Variants in STAC observed in about 807,000 individuals in gnomAD.
The protein encoded by STAC is SH3 and cysteine-rich domain-containing protein.
In STAC, 43 loss-of-function variants were observed where a neutral mutation model predicts 48.8. The observed-to-expected ratio is 0.88, with a 90% CI of 0.69 to 1.14. The LOEUF is 1.14. Ranked by LOEUF, STAC falls within the 50% of genes most tolerant of loss-of-function variation. The pLI is 0.00. For synonymous variants in STAC, 193 were observed against 179.5 expected (o/e 1.07, Z -0.60); for missense variants, 497 against 504.0 (o/e 0.99, Z 0.13).
intron 8 of STAC, among the ~76,000 whole-genome samples, chr3:36,513,450 T>C (rs1698591322): frequency 1.3e-5 from 2 of 152,180 alleles, no homozygotes; most frequent in South Asian, 4.1e-4. Flanking sequence ...CCCACCTTCA[T>C]ATCTTACCTG....
intron 8 of STAC, among the ~76,000 whole-genome samples, chr3:36,512,031 A>C (rs1698554588): frequency 6.6e-6 from 1 of 152,138 alleles, no homozygotes; most frequent in African/African-American, 2.4e-5. Flanking sequence ...TTTCAGAATT[A>C]GGTTGAGATC....
chr3:36,380,685 G>T lies in STAC; in HGVS notation c.42G>T (p.Gly14=). ...PSSPREDGVD[G]LPKEAVGAEQ... ...GCCCCCGCGAGGACGGCGTGGACGG[G>T]CTGCCCAAGGAGGCGGTGGGCGCCG... The change falls in exon 1 of 11, where the codon GGG becomes GGT. Residue 14 remains glycine (G), a synonymous_variant. Transcript: ENST00000273183. 2 of 1,609,496 alleles carry T rather than the reference G, an allele frequency of 1.2e-6. No homozygotes were observed. Among genetic ancestry groups the T allele is most frequent in the Non-Finnish European group, 1.7e-6 (2 of 1,178,372 alleles).
intron 7 of STAC, among the ~76,000 whole-genome samples, chr3:36,504,885 T>C (rs962331169): frequency 2.6e-5 from 4 of 152,038 alleles, no homozygotes; most frequent in African/African-American, 9.7e-5. Flanking sequence ...ATGTTTTCTA[T>C]AAATTTATAG....
chr3:36,387,274 C>G (rs551687966), intron 1 of STAC, among the ~76,000 whole-genome samples: 1 of 152,088 alleles, frequency 6.6e-6, no homozygotes, highest in Non-Finnish European at 1.5e-5. Context: ...AGATTCTACT[C>G]CACGTAGACA....
At chr3:36,413,765 A>C (rs1700250915) in intron 1 of STAC, among the ~76,000 whole-genome samples, 1 of 152,206 alleles carries the variant, frequency 6.6e-6, no homozygotes, top group Non-Finnish European at 1.5e-5. Flanking sequence ...GTTTCTTCCT[A>C]GCATCAATAG....
intron 1 of STAC, among the ~76,000 whole-genome samples, chr3:36,440,535 G>C (rs1696315748): frequency 6.6e-6 from 1 of 152,200 alleles, no homozygotes; most frequent in Non-Finnish European, 1.5e-5. Flanking sequence ...TTTCTAGAGG[G>C]AGGACAGAAG....
chr3:36,458,808 A>G (rs1468635309), intron 2 of STAC, among the ~76,000 whole-genome samples: 1 of 152,212 alleles, frequency 6.6e-6, no homozygotes, highest in South Asian at 2.1e-4. Context: ...ACACGTATGT[A>G]TTTGCATTTC....
At chr3:36,485,221 G>C (rs961867293) in intron 4 of STAC, among the ~76,000 whole-genome samples, 163 bp downstream of exon 4, 5 of 152,138 alleles carry the variant, frequency 3.3e-5, no homozygotes, top group Non-Finnish European at 7.4e-5. Context: ...GAAACATAAA[G>C]TGGACCAAAT....
At chr3:36,458,806 G>A (rs1320064374) in intron 2 of STAC, among the ~76,000 whole-genome samples, 1 of 152,200 alleles carries the variant, frequency 6.6e-6, no homozygotes, top group Admixed American at 6.5e-5. Context: ...CAACACGTAT[G>A]TATTTGCATT....
chr3:36,400,242 G>A (rs1699973702), intron 1 of STAC, among the ~76,000 whole-genome samples: 1 of 152,230 alleles, frequency 6.6e-6, no homozygotes, highest in Non-Finnish European at 1.5e-5. Flanking sequence ...TAAATGGATA[G>A]ATACAGAGAT....
intron 1 of STAC, among the ~76,000 whole-genome samples, chr3:36,417,955 A>C (rs979590372): frequency 1.3e-5 from 2 of 152,182 alleles, no homozygotes; most frequent in Non-Finnish European, 2.9e-5. Flanking sequence ...GTTATTTTTT[A>C]AGGCCAAATA....
intron 6 of STAC, 108 bp downstream of exon 6, chr3:36,493,337 T>C: frequency 1.0e-6 from 1 of 998,732 alleles, no homozygotes; most frequent in East Asian, 2.5e-5. Context: ...CTCTGGAATT[T>C]AATCAGGGCG....
intron 2 of STAC, among the ~76,000 whole-genome samples, chr3:36,448,909 C>CA (rs1027294082): frequency 1.2e-4 from 17 of 147,172 alleles, no homozygotes; most frequent in African/African-American, 3.0e-4. Context: ...GAACCCCCCC[C>CA]CCCACTCCCG....
In STAC at chr3:36,443,432, C is replaced by A. The variant is rs750039838; in HGVS notation, c.180C>A (p.Phe60Leu). 1.9e-6 allele frequency: 3 copies of A among 1,614,106 alleles called. No homozygotes were observed. The highest frequency in any genetic ancestry group is 2.5e-6 in the Non-Finnish European group (3 of 1,180,048). Residue 60 changes from phenylalanine to leucine, a missense_variant, in exon 2 of 11, where the codon TTC becomes TTA. Coordinates refer to ENST00000273183, the MANE Select transcript of STAC (RefSeq NM_003149.3). This position sits in a 1 kb window ranked among gnomAD's most constrained non-coding sequence, Gnocchi z 4.2. Reference sequence around the variant, plus strand: ...TACGGAGCAAAAGTGCTGACAACTTCTTCCAGCGAACCAACAGCGAAGACA... The same window carrying A: ...TACGGAGCAAAAGTGCTGACAACTTATTCCAGCGAACCAACAGCGAAGACA... ...KSLRSKSADNFFQRTNSEDMK... is the reference protein window; with the variant it reads ...KSLRSKSADNLFQRTNSEDMK...
intron 1 of STAC, chr3:36,409,813 T>C (rs753651860): frequency 3.3e-5 from 5 of 152,256 alleles, no homozygotes; most frequent in Non-Finnish European, 5.9e-5. Context: ...CTTATATTTC[T>C]ATTTATGTAA....
chr3:36,409,267 A>G (rs1299042493), intron 1 of STAC, among the ~76,000 whole-genome samples: 1 of 152,166 alleles, frequency 6.6e-6, no homozygotes, highest in Non-Finnish European at 1.5e-5. Flanking sequence ...TAATGAGTTG[A>G]TATTAAAAGC....
At chr3:36,469,400 C>G (rs78573335) in intron 2 of STAC, among the ~76,000 whole-genome samples, 4,748 of 152,222 alleles carry the variant, frequency 0.031, 224 homozygotes, top group African/African-American at 0.11. Context: ...TTTAAGGAGG[C>G]TACAAATAGG....
chr3:36,411,403 C>T (rs180855472), intron 1 of STAC, among the ~76,000 whole-genome samples: 7 of 152,280 alleles, frequency 4.6e-5, no homozygotes, highest in Non-Finnish European at 8.8e-5. Flanking sequence ...TCTTCTGCCT[C>T]CTCCTCTCCC....
intron 1 of STAC, among the ~76,000 whole-genome samples, chr3:36,436,092 A>T (rs1253868438): frequency 6.6e-6 from 1 of 152,188 alleles, no homozygotes; most frequent in African/African-American, 2.4e-5. Context: ...TCCAGCTTGG[A>T]CCTTTCCCTG....
Sources: gnomAD v4.1 joint callset for allele counts (sites outside exome capture counted in the v4.1 genomes callset) on GRCh38, gnomAD v4.1.1 for gene constraint, Gnocchi (gnomAD v3.1) non-coding constraint, MANE v1.5 for transcripts, NCBI Gene and HGNC (gene_info 2026-07-23, HGNC 2026-07-21) for gene names.